Variants in SUGCT observed in about 807,000 individuals in gnomAD.
SUGCT encodes the protein succinyl-CoA:glutarate-CoA transferase.
Under a neutral mutation model 55.0 loss-of-function variants are expected in SUGCT, and 41 were observed. The observed-to-expected ratio is 0.74, with a 90% confidence interval of 0.58 to 0.97. The LOEUF (loss-of-function observed/expected upper bound fraction) is 0.97, where lower values mean the gene tolerates loss of function less well. Among genes scored for constraint, SUGCT ranks in the 50% least tolerant of loss-of-function variants. The pLI is 0.00. For missense variants in SUGCT, 568 were observed against 547.8 expected (o/e 1.04, Z -0.37); for synonymous variants, 187 against 200.4 (o/e 0.93, Z 0.56).
At chr7:40,205,714 G>A (rs1019656016) in intron 6 of SUGCT, among the ~76,000 whole-genome samples, 1 of 151,486 alleles carries the variant, frequency 6.6e-6, no homozygotes, top group Non-Finnish European at 1.5e-5. Flanking sequence ...GTGTAATTAG[G>A]GATATGCAAG....
chr7:40,849,468 AG>A (rs1793742485), intron 13 of SUGCT, among the ~76,000 whole-genome samples: 1 of 152,150 alleles, frequency 6.6e-6, no homozygotes, highest in Non-Finnish European at 1.5e-5. Flanking sequence ...GGGACTGTTT[AG>A]GTCCCTTCCC....
At chr7:41,035,521 C>T in the SUGCT span, among the ~76,000 whole-genome samples, 1 of 152,206 alleles carries the variant, frequency 6.6e-6, no homozygotes, top group African/African-American at 2.4e-5. Context: ...TATACTCTCA[C>T]CTTTACCCTC....
At chr7:40,784,225 G>C (rs1450882674) in intron 13 of SUGCT, among the ~76,000 whole-genome samples, 1 of 152,092 alleles carries the variant, frequency 6.6e-6, no homozygotes, top group Non-Finnish European at 1.5e-5. Context: ...TTGGGGGTGA[G>C]GGGGGTAGTG....
At chr7:40,690,504 T>A (rs534233470) in intron 12 of SUGCT, among the ~76,000 whole-genome samples, 25 of 152,268 alleles carry the variant, frequency 1.6e-4, no homozygotes, top group African/African-American at 5.5e-4. Context: ...AAAACTACTT[T>A]CTCATAATTC....
chr7:40,579,656 C>A (rs1430338806), intron 12 of SUGCT, among the ~76,000 whole-genome samples: 1 of 152,104 alleles, frequency 6.6e-6, no homozygotes, highest in Non-Finnish European at 1.5e-5. Context: ...TGTCTAGATT[C>A]CAGAGGGCTT....
chr7:40,320,758 A>G (rs1795681950), intron 9 of SUGCT, among the ~76,000 whole-genome samples: 1 of 118,408 alleles, frequency 8.4e-6, no homozygotes, highest in Admixed American at 8.7e-5. Context: ...GTGATACTGA[A>G]TATAGTGGGA....
chr7:40,304,898 C>G (rs1584632151), intron 8 of SUGCT, among the ~76,000 whole-genome samples: 1 of 152,182 alleles, frequency 6.6e-6, no homozygotes, highest in Non-Finnish European at 1.5e-5. Context: ...ATCCAGCATC[C>G]CTTTATAATT....
At chr7:40,183,006 CTTACGCCTGTA>C (rs1367710908) in intron 3 of SUGCT, among the ~76,000 whole-genome samples, 1 of 152,184 alleles carries the variant, frequency 6.6e-6, no homozygotes, top group Non-Finnish European at 1.5e-5. Flanking sequence ...GGCGTGGTGG[CTTACGCCTGTA>C]ATCCCAGTAC....
the SUGCT span, among the ~76,000 whole-genome samples, chr7:40,887,804 T>G: frequency 9.4e-4 from 143 of 152,132 alleles, no homozygotes; most frequent in South Asian, 0.015. Context: ...AATTTTGTGT[T>G]TGGGAGGAGA....
At chr7:40,366,604 G>A (rs1250660662) in intron 9 of SUGCT, among the ~76,000 whole-genome samples, 1 of 152,156 alleles carries the variant, frequency 6.6e-6, no homozygotes, top group East Asian at 1.9e-4. Flanking sequence ...AGTGGGCGAA[G>A]GATATGAACA....
chr7:40,478,311 A>G (rs1790822808), intron 11 of SUGCT, among the ~76,000 whole-genome samples: 1 of 152,024 alleles, frequency 6.6e-6, no homozygotes, highest in African/African-American at 2.4e-5. Context: ...TGGCCTCCTA[A>G]TTTCTATCTA....
At chr7:40,421,273 C>T (rs1384588637) in intron 9 of SUGCT, among the ~76,000 whole-genome samples, 1 of 152,126 alleles carries the variant, frequency 6.6e-6, no homozygotes, top group African/African-American at 2.4e-5. Flanking sequence ...CACTTTTACT[C>T]ATCTAGTTTT....
chr7:40,569,395 C>G (rs1395533463), intron 12 of SUGCT, among the ~76,000 whole-genome samples: 1 of 152,234 alleles, frequency 6.6e-6, no homozygotes, highest in African/African-American at 2.4e-5. Context: ...TTTTACCCAC[C>G]AAACTTACTT....
chr7:40,599,994 C>T (rs1469802165), intron 12 of SUGCT, among the ~76,000 whole-genome samples: 1 of 152,084 alleles, frequency 6.6e-6, no homozygotes, highest in African/African-American at 2.4e-5. Flanking sequence ...GAATGCTTCT[C>T]TTCCTCTTTG....
At chr7:40,370,223 A>C (rs779507483) in intron 9 of SUGCT, among the ~76,000 whole-genome samples, 4 of 152,190 alleles carry the variant, frequency 2.6e-5, no homozygotes, top group Non-Finnish European at 2.9e-5. Flanking sequence ...CAGCTTAATT[A>C]GTAAAGAACG....
intron 12 of SUGCT, among the ~76,000 whole-genome samples, chr7:40,680,418 C>T (rs1302272888): frequency 6.6e-6 from 1 of 152,118 alleles, no homozygotes; most frequent in African/African-American, 2.4e-5. Context: ...CTGTCTGAGG[C>T]TCATTAGGCC....
chr7:40,473,753 AAG>A (rs1790518340), intron 11 of SUGCT, among the ~76,000 whole-genome samples: 1 of 152,208 alleles, frequency 6.6e-6, no homozygotes, highest in African/African-American at 2.4e-5. Flanking sequence ...CATATCCAAA[AAG>A]AAATTAATTT....
intron 12 of SUGCT, among the ~76,000 whole-genome samples, chr7:40,743,592 C>T (rs969766175): frequency 2.0e-5 from 3 of 152,108 alleles, no homozygotes; most frequent in Non-Finnish European, 2.9e-5. Flanking sequence ...TTTCTGTGAC[C>T]CAGTTTTTCC....
chr7:40,869,287 T>C, the SUGCT span, among the ~76,000 whole-genome samples: 2 of 152,164 alleles, frequency 1.3e-5, no homozygotes, highest in Non-Finnish European at 2.9e-5. Flanking sequence ...GAGGTCAAAC[T>C]CATTAGGCTT....
Sources: allele counts gnomAD v4.1 joint callset (sites outside exome capture counted in the v4.1 genomes callset), GRCh38; gene constraint gnomAD v4.1.1; transcripts MANE v1.5; gene names NCBI Gene and HGNC (gene_info 2026-07-23, HGNC 2026-07-21).